The following PHACTR1 variants were observed in gnomAD, a reference collection of about 807,000 sequenced individuals.
PHACTR1 encodes RPEL repeat containing 1.
In PHACTR1, 16 loss-of-function variants were observed where a neutral mutation model predicts 69.2. The observed-to-expected ratio is 0.23, with a 90% confidence interval of 0.16 to 0.35. PHACTR1 has a LOEUF of 0.35. Among genes scored for constraint, PHACTR1 ranks in the 10% least tolerant of loss-of-function variants. The pLI is 1.00. For missense variants in PHACTR1, 510 were observed against 734.7 expected, an observed-to-expected ratio of 0.69 and a Z score of 3.54; for synonymous variants, 312 against 284.5, an observed-to-expected ratio of 1.10 and a Z score of -0.97.
chr6:13,076,411 C>G lies in PHACTR1; in HGVS notation c.415+22882C>G, dbSNP rs147027307. Among the ~76,000 whole-genome samples, 316 of 152,268 alleles carry G rather than the reference C, an allele frequency of 2.1e-3. 2 individuals carry two copies. Among genetic ancestry groups the G allele is most frequent in the African/African-American group, 7.5e-3 (311 of 41,550 alleles). On this transcript the variant is annotated intron_variant, in intron 5 of 14. Transcript: ENST00000332995. ...GCCTTGGGTTATTTCAGCCCTTCAC[C>G]TGTTCATGCATGCATGCAACAAACA...
At chr6:13,201,599 C>A (rs150856651) in intron 7 of PHACTR1, among the ~76,000 whole-genome samples, 2 of 152,008 alleles carry the variant, frequency 1.3e-5, no homozygotes, top group Admixed American at 1.3e-4. Context: ...ATTATCCACA[C>A]GATAAGAGGA....
chr6:13,190,819 A>C (rs891290227), intron 7 of PHACTR1, among the ~76,000 whole-genome samples: 2 of 127,406 alleles, frequency 1.6e-5, no homozygotes, highest in African/African-American at 5.0e-5. Flanking sequence ...ATATATTCTC[A>C]GAACTTAGTT....
intron 5 of PHACTR1, among the ~76,000 whole-genome samples, chr6:13,074,409 C>T (rs1272741688): frequency 6.6e-6 from 1 of 152,176 alleles, no homozygotes; most frequent in African/African-American, 2.4e-5. Context: ...GCTACCCATA[C>T]AGCACTGGTG....
chr6:12,751,677 C>G (rs1248992602), intron 4 of PHACTR1, among the ~76,000 whole-genome samples: 1 of 152,164 alleles, frequency 6.6e-6, no homozygotes, highest in Non-Finnish European at 1.5e-5. Flanking sequence ...TTAAATTGCT[C>G]TGGAGTCCAA....
At chr6:12,950,449 A>T (rs1791153228) in intron 4 of PHACTR1, among the ~76,000 whole-genome samples, 1 of 152,198 alleles carries the variant, frequency 6.6e-6, no homozygotes, top group African/African-American at 2.4e-5. Flanking sequence ...CCACCACTTG[A>T]TGGTGGAGTG....
intron 4 of PHACTR1, among the ~76,000 whole-genome samples, chr6:12,784,619 G>A (rs1224100664): frequency 6.6e-6 from 1 of 151,328 alleles, no homozygotes; most frequent in Non-Finnish European, 1.5e-5. Flanking sequence ...CATATATGAT[G>A]ATAAACATGC....
At chr6:13,014,272 G>C (rs1385351445) in intron 4 of PHACTR1, among the ~76,000 whole-genome samples, 1 of 152,120 alleles carries the variant, frequency 6.6e-6, no homozygotes, top group East Asian at 1.9e-4. Context: ...ACTCCACCCA[G>C]ACATGACAGC....
intron 5 of PHACTR1, among the ~76,000 whole-genome samples, chr6:13,105,214 C>T (rs990422554): frequency 2.0e-5 from 3 of 152,010 alleles, no homozygotes; most frequent in Admixed American, 6.6e-5. Flanking sequence ...CTTGTCTCTA[C>T]AAAAAAATTT....
intron 4 of PHACTR1, among the ~76,000 whole-genome samples, chr6:12,820,857 AATC>A (rs1433093022): frequency 6.6e-6 from 1 of 152,220 alleles, no homozygotes; most frequent in Non-Finnish European, 1.5e-5. Context: ...ATTAACAAAA[AATC>A]ATCATTACCA....
intron 4 of PHACTR1, among the ~76,000 whole-genome samples, chr6:12,888,846 T>C (rs1783890866): frequency 6.6e-6 from 1 of 152,168 alleles, no homozygotes; most frequent in Non-Finnish European, 1.5e-5. Context: ...CTGCCAAAGG[T>C]ATCTGAGAGG....
At chr6:12,990,870 C>T (rs1796747201) in intron 4 of PHACTR1, among the ~76,000 whole-genome samples, 2 of 152,174 alleles carry the variant, frequency 1.3e-5, no homozygotes, top group Non-Finnish European at 2.9e-5. Context: ...CCGGGCTCCT[C>T]TCTGAAGTCA....
intron 4 of PHACTR1, among the ~76,000 whole-genome samples, chr6:12,886,833 T>C (rs1783689063): frequency 6.6e-6 from 1 of 150,748 alleles, no homozygotes; most frequent in South Asian, 2.1e-4. Context: ...TCTTAAGGAA[T>C]GCAGTTCCAA....
At chr6:13,236,415 G>T (rs754245787) in intron 10 of PHACTR1, among the ~76,000 whole-genome samples, 1 of 152,178 alleles carries the variant, frequency 6.6e-6, no homozygotes, top group Non-Finnish European at 1.5e-5. Context: ...GAAATGCATT[G>T]TCTCGGAGTT....
chr6:13,041,941 AAAACG>A lies in PHACTR1; in HGVS notation c.251-11422_251-11418del, dbSNP rs1804247500. ...GGTTCCTTTAACTATAGAATGGTAC[AAAACG>A]ATACTCAACATTTGATAAATTGTGT... On this transcript the variant is annotated intron_variant, in intron 4 of 14. Coordinates refer to ENST00000332995, the MANE Select transcript of PHACTR1 (RefSeq NM_030948.6). Among the ~76,000 whole-genome samples the A allele has an allele frequency of 2.6e-5, 4 of 152,208 alleles. No individual in the cohort carries two copies. The South Asian group carries it at 8.3e-4, about 32-fold the overall frequency.
chr6:12,905,455 G>A (rs541413976), intron 4 of PHACTR1, among the ~76,000 whole-genome samples: 4 of 152,190 alleles, frequency 2.6e-5, no homozygotes, highest in East Asian at 1.9e-4. Context: ...AAAATTTGTC[G>A]AACACATCCT....
chr6:12,777,194 C>G (rs1283401686), intron 4 of PHACTR1, among the ~76,000 whole-genome samples: 1 of 151,136 alleles, frequency 6.6e-6, no homozygotes, highest in Non-Finnish European at 1.5e-5. Flanking sequence ...AGTGTAGACA[C>G]ATTTGAGGTT....
intron 4 of PHACTR1, among the ~76,000 whole-genome samples, chr6:12,891,166 T>G (rs1052677424): frequency 1.3e-5 from 2 of 152,178 alleles, no homozygotes; most frequent in Admixed American, 1.3e-4. Context: ...ATTTGCAAAG[T>G]AGTATCAATT....
chr6:13,213,672 C>T (rs867522886), intron 8 of PHACTR1, among the ~76,000 whole-genome samples: 1 of 152,144 alleles, frequency 6.6e-6, no homozygotes, highest in Non-Finnish European at 1.5e-5. Context: ...ACATTAAGAC[C>T]CTTGTGAACT....
At position 13,095,849 on chromosome 6, in the gene PHACTR1, C is replaced by T. The variant is rs191627858; in HGVS notation, c.415+42320C>T. On this transcript the variant is annotated intron_variant, in intron 5 of 14. Coordinates refer to ENST00000332995, the MANE Select transcript of PHACTR1 (RefSeq NM_030948.6). ...GAAGAACTGGGTTTTGACCCATTGG[C>T]TTATCACATTTCACGTTTTATGTGT... is the stretch of plus-strand genomic sequence containing the variant. 9.5e-5 allele frequency among the ~76,000 whole-genome samples: 12 copies of T among 126,654 alleles called. No individual in the cohort carries two copies. The East Asian group carries it at 3.1e-3, about 33-fold the overall frequency. The allele number at this position is 126,654 out of a possible 152,430, so 83.1% of individuals were successfully genotyped here. A position where few individuals can be genotyped will look rare whatever the true frequency, so the allele number is the denominator to read the frequency against.
Sources: allele counts gnomAD v4.1 joint callset (sites outside exome capture counted in the v4.1 genomes callset), GRCh38; gene constraint gnomAD v4.1.1; transcripts MANE v1.5; gene names NCBI Gene and HGNC (gene_info 2026-07-23, HGNC 2026-07-21).